The following GALNT13 variants were observed in gnomAD, a reference collection of about 807,000 sequenced individuals.
GALNT13 encodes polypeptide N-acetylgalactosaminyltransferase 13, also known as UDP-GalNAc:polypeptide N-acetylgalactosaminyltransferase 13.
A neutral mutation model predicts 64.2 loss-of-function variants in GALNT13; 28 were observed. The ratio of observed to expected loss-of-function variants is 0.44; its 90% confidence interval spans 0.32 to 0.60. The LOEUF (loss-of-function observed/expected upper bound fraction) is 0.60, where lower values mean the gene tolerates loss of function less well. GALNT13 is among the 20% of genes least tolerant of loss of function. The pLI is 0.05. For missense variants in GALNT13, 577 were observed against 669.8 expected (o/e 0.86, Z 1.53); for synonymous variants, 214 against 224.6 (o/e 0.95, Z 0.42).
chr2:154,400,806 C>T (rs1337970927), intron 10 of GALNT13, among the ~76,000 whole-genome samples: 1 of 151,900 alleles, frequency 6.6e-6, no homozygotes, highest in Admixed American at 6.6e-5. Flanking sequence ...CTTAACTAGC[C>T]CTGAAGCTTA....
At chr2:153,805,640 T>C in the GALNT13 span, among the ~76,000 whole-genome samples, 1 of 152,036 alleles carries the variant, frequency 6.6e-6, no homozygotes, top group African/African-American at 2.4e-5. Context: ...AGTACAACTA[T>C]AGCAAAAAGC....
At chr2:153,082,979 C>T in the GALNT13 span, among the ~76,000 whole-genome samples, 1 of 151,718 alleles carries the variant, frequency 6.6e-6, no homozygotes, top group African/African-American at 2.4e-5. Context: ...CAGGTGCACA[C>T]CACCATGCCT....
chr2:154,058,761 G>T (rs1435989093), intron 3 of GALNT13, among the ~76,000 whole-genome samples: 1 of 152,178 alleles, frequency 6.6e-6, no homozygotes, highest in Non-Finnish European at 1.5e-5. Flanking sequence ...TAAGTTTGGA[G>T]ATCTAATAGG....
At chr2:153,128,591 A>G in the GALNT13 span, among the ~76,000 whole-genome samples, 1,817 of 152,290 alleles carry the variant, frequency 0.012, 22 homozygotes, top group Middle Eastern at 0.031. Flanking sequence ...TATCCTTTGT[A>G]TAATTCAAAA....
chr2:153,582,096 A>G, the GALNT13 span, among the ~76,000 whole-genome samples: 1 of 152,262 alleles, frequency 6.6e-6, no homozygotes, highest in East Asian at 1.9e-4. Context: ...TTTGGTAAGA[A>G]CTTCTTGAAT....
the GALNT13 span, among the ~76,000 whole-genome samples, chr2:153,181,393 T>C: frequency 6.6e-6 from 1 of 151,208 alleles, no homozygotes. Flanking sequence ...TTAAATCTTC[T>C]TAAATTTGTT....
the GALNT13 span, among the ~76,000 whole-genome samples, chr2:153,490,499 C>T: frequency 6.6e-6 from 1 of 152,112 alleles, no homozygotes; most frequent in South Asian, 2.1e-4. Context: ...CATGTCTCAG[C>T]CTCCTAAGTA....
chr2:153,555,226 G>A, the GALNT13 span, among the ~76,000 whole-genome samples: 10 of 109,214 alleles, frequency 9.2e-5, no homozygotes, highest in East Asian at 2.5e-3. Flanking sequence ...ACGGAGTCTT[G>A]CTCTGTCACC....
chr2:154,201,425 G>A (rs913612288), intron 4 of GALNT13, among the ~76,000 whole-genome samples: 1 of 152,072 alleles, frequency 6.6e-6, no homozygotes, highest in Non-Finnish European at 1.5e-5. Flanking sequence ...GTGAAGCATG[G>A]CATTGAATAC....
chr2:153,145,597 CAG>C, the GALNT13 span, among the ~76,000 whole-genome samples: 1 of 151,852 alleles, frequency 6.6e-6, no homozygotes, highest in Non-Finnish European at 1.5e-5. Flanking sequence ...ATTGGGTTTT[CAG>C]AGTGTGTGAC....
chr2:153,883,130 C>T (rs913223492), intron 1 of GALNT13, among the ~76,000 whole-genome samples: 1 of 147,548 alleles, frequency 6.8e-6, no homozygotes, highest in African/African-American at 2.5e-5. Context: ...ATATTGCATT[C>T]ATAAAACAAG....
At chr2:153,606,125 C>G in the GALNT13 span, among the ~76,000 whole-genome samples, 1 of 152,040 alleles carries the variant, frequency 6.6e-6, no homozygotes, top group Non-Finnish European at 1.5e-5. Context: ...AGGTTGAAAG[C>G]AGGGCAGGGT....
At chr2:153,428,527 T>A in the GALNT13 span, among the ~76,000 whole-genome samples, 382 of 152,288 alleles carry the variant, frequency 2.5e-3, 1 homozygote, top group African/African-American at 8.8e-3. Flanking sequence ...CATTTTAACA[T>A]GAGATTTGGA....
At chr2:153,212,616 G>A in the GALNT13 span, among the ~76,000 whole-genome samples, 1 of 152,168 alleles carries the variant, frequency 6.6e-6, no homozygotes. Flanking sequence ...TAATAGATTT[G>A]AAAGGATGCT....
chr2:153,528,090 G>C, the GALNT13 span, among the ~76,000 whole-genome samples: 1 of 151,646 alleles, frequency 6.6e-6, no homozygotes, highest in Non-Finnish European at 1.5e-5. Flanking sequence ...TAATAATATT[G>C]AATGTAAATG....
the GALNT13 span, among the ~76,000 whole-genome samples, chr2:153,116,357 C>T: frequency 6.6e-6 from 1 of 152,008 alleles, no homozygotes; most frequent in East Asian, 1.9e-4. Context: ...CGGACTGGAA[C>T]ATATAATGTA....
At chr2:153,876,875 G>A (rs1271377251) in intron 1 of GALNT13, among the ~76,000 whole-genome samples, 1 of 152,028 alleles carries the variant, frequency 6.6e-6, no homozygotes, top group East Asian at 1.9e-4. Context: ...GTTAAAGTTG[G>A]GAGACATGCT....
the GALNT13 span, among the ~76,000 whole-genome samples, chr2:153,073,182 C>T: frequency 6.6e-6 from 1 of 152,046 alleles, no homozygotes; most frequent in Non-Finnish European, 1.5e-5. Context: ...GATAAGTTTC[C>T]TAAGATATTT....
At chr2:154,236,065 G>A in intron 4 of GALNT13, 14 of 1,241,680 alleles carry the variant, frequency 1.1e-5, no homozygotes, top group Non-Finnish European at 1.5e-5. Context: ...CATGAGAACA[G>A]CATTAGTGTA....
Sources: allele counts gnomAD v4.1 joint callset (sites outside exome capture counted in the v4.1 genomes callset), GRCh38; gene constraint gnomAD v4.1.1; transcripts MANE v1.5; gene names NCBI Gene and HGNC (gene_info 2026-07-23, HGNC 2026-07-21).